RBFOX1: variants seen among roughly 807,000 people sequenced by gnomAD.
RBFOX1 encodes the protein RNA binding protein fox-1 homolog 1.
In RBFOX1, 8 loss-of-function variants were observed where a neutral mutation model predicts 57.7. That is an observed-to-expected ratio of 0.14 (90% CI 0.08 to 0.25). RBFOX1 has a LOEUF of 0.25. RBFOX1 is among the 10% of genes least tolerant of loss of function. The pLI is 1.00. For synonymous variants in RBFOX1, 326 were observed against 222.4 expected (o/e 1.47, Z -4.15); for missense variants, 611 against 548.5 (o/e 1.11, Z -1.14).
intron 3 of RBFOX1, among the ~76,000 whole-genome samples, chr16:5,755,817 C>G (rs977960926): frequency 6.6e-6 from 1 of 152,046 alleles, no homozygotes; most frequent in African/African-American, 2.4e-5. Context: ...AGGCTGGTCT[C>G]GAACTCCTGA....
chr16:6,122,498 C>T (rs551146914), intron 1 of RBFOX1, among the ~76,000 whole-genome samples: 3 of 152,066 alleles, frequency 2.0e-5, no homozygotes, highest in East Asian at 1.9e-4. Context: ...CTTTCTCATT[C>T]GAGTTAATCT....
intron 2 of RBFOX1, among the ~76,000 whole-genome samples, chr16:6,550,178 T>A (rs190584741): frequency 6.6e-6 from 1 of 152,094 alleles, no homozygotes; most frequent in East Asian, 1.9e-4. Flanking sequence ...GTACACTTCT[T>A]TTTTGGGGGT....
chr16:6,500,272 G>A (rs1051951210), intron 2 of RBFOX1, among the ~76,000 whole-genome samples: 2 of 152,132 alleles, frequency 1.3e-5, no homozygotes, highest in African/African-American at 2.4e-5. Flanking sequence ...TTAGCAAGAA[G>A]ACCATCATCT....
chr16:6,007,381 A>T (rs543841118), intron 4 of RBFOX1, among the ~76,000 whole-genome samples: 1 of 152,338 alleles, frequency 6.6e-6, no homozygotes, highest in South Asian at 2.1e-4. Flanking sequence ...CAGTAGCCTG[A>T]AGCCCCCAAG....
At chr16:7,616,221 G>A (rs1222334258) in intron 10 of RBFOX1, among the ~76,000 whole-genome samples, 2 of 152,210 alleles carry the variant, frequency 1.3e-5, no homozygotes, top group Admixed American at 6.5e-5. Flanking sequence ...TGAAAAATTA[G>A]CAAAGAGGAA....
At chr16:6,848,609 A>G (rs1333213327) in intron 3 of RBFOX1, among the ~76,000 whole-genome samples, 1 of 151,988 alleles carries the variant, frequency 6.6e-6, no homozygotes, top group Non-Finnish European at 1.5e-5. Context: ...GAGAAGATGT[A>G]TGTGTATGTG....
intron 4 of RBFOX1, among the ~76,000 whole-genome samples, chr16:7,467,610 C>G (rs1428593815): frequency 1.3e-5 from 2 of 152,148 alleles, no homozygotes. Context: ...GATAATTCAA[C>G]TGTAAAATTG....
intron 3 of RBFOX1, among the ~76,000 whole-genome samples, chr16:5,814,549 C>A (rs1021503142): frequency 6.6e-6 from 1 of 152,236 alleles, no homozygotes; most frequent in Non-Finnish European, 1.5e-5. Context: ...AGAGGCCACA[C>A]AACTTGCCCA....
At chr16:6,884,631 G>A (rs891688974) in intron 3 of RBFOX1, among the ~76,000 whole-genome samples, 2 of 152,124 alleles carry the variant, frequency 1.3e-5, no homozygotes, top group Non-Finnish European at 2.9e-5. Flanking sequence ...AGGTGTGGTG[G>A]CTCACACCTG....
chr16:7,120,959 T>TG (rs2067042982), intron 4 of RBFOX1, among the ~76,000 whole-genome samples: 1 of 151,660 alleles, frequency 6.6e-6, no homozygotes, highest in African/African-American at 2.4e-5. Flanking sequence ...GGTTTCATAT[T>TG]GAAAAAAATC....
intron 2 of RBFOX1, among the ~76,000 whole-genome samples, chr16:5,487,011 C>T (rs1028223479): frequency 1.3e-5 from 2 of 152,228 alleles, no homozygotes; most frequent in African/African-American, 4.8e-5. Flanking sequence ...AAGTGTCCTT[C>T]CCAGAATTTT....
chr16:7,493,144 GCT>G (rs2067473178), intron 4 of RBFOX1, among the ~76,000 whole-genome samples: 2 of 152,318 alleles, frequency 1.3e-5, no homozygotes, highest in African/African-American at 4.8e-5. Context: ...CTCCCAAAGT[GCT>G]GGGATTACAG....
intron 4 of RBFOX1, among the ~76,000 whole-genome samples, chr16:5,935,008 C>G (rs191263266): frequency 2.0e-5 from 3 of 152,282 alleles, no homozygotes; most frequent in Admixed American, 6.5e-5. Flanking sequence ...TGCAGAATAT[C>G]GAAGGGTCAA....
At chr16:7,018,916 C>T (rs193164547) in intron 3 of RBFOX1, among the ~76,000 whole-genome samples, 119 of 152,130 alleles carry the variant, frequency 7.8e-4, no homozygotes, top group African/African-American at 2.5e-3. Flanking sequence ...CTCAGGAGTT[C>T]AAGACCAGCC....
At chr16:6,723,867 C>G (rs926707364) in intron 3 of RBFOX1, 1 of 152,094 alleles carries the variant, frequency 6.6e-6, no homozygotes, top group Non-Finnish European at 1.5e-5. Context: ...ACCATTGTTT[C>G]CAGCTCCACA....
intron 3 of RBFOX1, among the ~76,000 whole-genome samples, chr16:6,953,115 C>G (rs1377457809): frequency 6.6e-6 from 1 of 152,150 alleles, no homozygotes; most frequent in Non-Finnish European, 1.5e-5. Context: ...AGGTCTGCGA[C>G]TGAGTAGAAC....
Position 7,244,867 on chromosome 16 carries a change from T to C in RBFOX1, c.27+192769T>C, listed in dbSNP as rs533964662. On this transcript the variant is annotated intron_variant, in intron 4 of 15. Transcript: ENST00000550418. ...TCATGATGGGCCTAAATAAGAGATA[T>C]TCCTCTACTGTAAGAAAAGCTCCGT... Among the ~76,000 whole-genome samples the C allele has an allele frequency of 1.0e-3, 159 of 152,288 alleles. 1 individual carries two copies. The highest frequency in any genetic ancestry group is 7.8e-4 in the Non-Finnish European group (53 of 68,024).
rs554047782 is a variant in RBFOX1, at chr16:7,166,414, A to C, written c.27+114316A>C. ...GAGTGGGTTGTAAGGAAAGATAGAA[A>C]ACTATAGAGGAGTCCATGAATAAAT... On this transcript the variant is annotated intron_variant, in intron 4 of 15. Coordinates refer to ENST00000550418, the MANE Select transcript of RBFOX1 (RefSeq NM_018723.4). Among the ~76,000 whole-genome samples, 11 of 152,236 alleles carry C rather than the reference A, an allele frequency of 7.2e-5. No individual in the cohort carries two copies. In the East Asian group the frequency reaches 1.2e-3, roughly 16 times the overall value.
chr16:6,872,775 C>T (rs1371326805), intron 3 of RBFOX1, among the ~76,000 whole-genome samples: 1 of 152,070 alleles, frequency 6.6e-6, no homozygotes, highest in Non-Finnish European at 1.5e-5. Context: ...AATAAAATAA[C>T]TGAGATAAGA....
Sources: gnomAD v4.1 joint callset for allele counts (sites outside exome capture counted in the v4.1 genomes callset) on GRCh38, gnomAD v4.1.1 for gene constraint, MANE v1.5 for transcripts, NCBI Gene and HGNC (gene_info 2026-07-23, HGNC 2026-07-21) for gene names.